The following SAMD12 variants were observed in gnomAD, a reference collection of about 807,000 sequenced individuals.
SAMD12 encodes the protein sterile alpha motif domain containing 12, also known as sterile alpha motif domain-containing protein 12.
SAMD12 carries 9 observed loss-of-function variants against 15.0 expected under a neutral mutation model. The ratio of observed to expected loss-of-function variants is 0.60; its 90% CI spans 0.36 to 1.05. The LOEUF (loss-of-function observed/expected upper bound fraction) is 1.05. Among genes scored for constraint, SAMD12 ranks in the 50% least tolerant of loss-of-function variants. The pLI is 0.01. For missense variants in SAMD12, 230 were observed against 234.2 expected (o/e 0.98, Z 0.12); for synonymous variants, 86 against 90.1 (o/e 0.96, Z 0.25).
intron 2 of SAMD12, among the ~76,000 whole-genome samples, chr8:118,561,753 T>A (rs1441066204): frequency 2.0e-5 from 3 of 152,150 alleles, no homozygotes; most frequent in African/African-American, 4.8e-5. Flanking sequence ...GAGATGAGAT[T>A]TGGATGCAGA....
intron 1 of SAMD12, among the ~76,000 whole-genome samples, chr8:118,618,838 C>A (rs76956906): frequency 3.4e-3 from 401 of 118,424 alleles, no homozygotes; most frequent in African/African-American, 4.6e-3. Flanking sequence ...GACTCCGTCT[C>A]AAAAAAAAAA....
chr8:118,503,328 TA>T (rs1824837120), intron 2 of SAMD12, among the ~76,000 whole-genome samples: 1 of 152,160 alleles, frequency 6.6e-6, no homozygotes, highest in South Asian at 2.1e-4. Context: ...TTAAGAAACT[TA>T]AGTGATTATT....
chr8:118,588,900 A>G (rs946402546), intron 1 of SAMD12, among the ~76,000 whole-genome samples: 1 of 152,320 alleles, frequency 6.6e-6, no homozygotes, highest in African/African-American at 2.4e-5. Flanking sequence ...ACAGAATATG[A>G]TTTCCAAATT....
chr8:118,152,595 C>G, the SAMD12 span, among the ~76,000 whole-genome samples: 1 of 151,930 alleles, frequency 6.6e-6, no homozygotes. Context: ...GTTCACCAGT[C>G]TCAAACAATC....
intron 3 of SAMD12, among the ~76,000 whole-genome samples, chr8:118,385,053 A>G (rs1019887362): frequency 1.3e-5 from 2 of 152,154 alleles, no homozygotes; most frequent in Non-Finnish European, 2.9e-5. Flanking sequence ...TTTTGCCGCA[A>G]TCTGAAGCTT....
At chr8:118,394,338 C>T (rs551228485) in intron 3 of SAMD12, among the ~76,000 whole-genome samples, 1 of 152,328 alleles carries the variant, frequency 6.6e-6, no homozygotes, top group African/African-American at 2.4e-5. Context: ...CTTAGATGCT[C>T]AGCAAGTTCT....
rs970587300 is a variant in SAMD12 at position 118,282,997 on chromosome 8, T to G, written c.434-85265A>C. 2.6e-5 allele frequency among the ~76,000 whole-genome samples: 4 copies of G among 152,248 alleles called. No homozygotes were observed. The East Asian group carries it at 7.7e-4, about 29-fold the overall frequency. On this transcript the variant is annotated intron_variant, in intron 4 of 4. Coordinates refer to the SAMD12 transcript ENST00000409003. ...GGATTAAATACAGAAATAAGAAAAA[T>G]TCCGATGGGCCTAGACATATCACAA...
intron 4 of SAMD12, among the ~76,000 whole-genome samples, chr8:118,223,720 C>A (rs1467257641): frequency 6.6e-6 from 1 of 152,146 alleles, no homozygotes; most frequent in Non-Finnish European, 1.5e-5. Context: ...AATATAAAAG[C>A]AATAATGTGC....
At chr8:118,177,142 T>C in the SAMD12 span, among the ~76,000 whole-genome samples, 7 of 152,044 alleles carry the variant, frequency 4.6e-5, no homozygotes, top group African/African-American at 1.7e-4. Flanking sequence ...AGAGGAGAAG[T>C]TGGAGAGGCA....
chr8:118,399,599 G>A (rs989176788), intron 3 of SAMD12, among the ~76,000 whole-genome samples: 2 of 152,170 alleles, frequency 1.3e-5, no homozygotes, highest in Admixed American at 1.3e-4. Flanking sequence ...TAGCTTCAGA[G>A]CTCCCTGTGG....
intron 2 of SAMD12, among the ~76,000 whole-genome samples, chr8:118,460,318 T>A (rs1174830070): frequency 6.6e-6 from 1 of 152,248 alleles, no homozygotes; most frequent in Non-Finnish European, 1.5e-5. Context: ...ATTTAATTCA[T>A]TTATTTAACA....
At chr8:118,201,834 T>A (rs966539996) in intron 4 of SAMD12, among the ~76,000 whole-genome samples, 5 of 152,254 alleles carry the variant, frequency 3.3e-5, no homozygotes, top group Admixed American at 2.0e-4. Context: ...TTCAAACCTC[T>A]GTTTGATGGG....
At chr8:118,361,695 A>T (rs1251589277) in intron 4 of SAMD12, among the ~76,000 whole-genome samples, 1 of 152,196 alleles carries the variant, frequency 6.6e-6, no homozygotes, top group African/African-American at 2.4e-5. Flanking sequence ...GTGCAACAAC[A>T]TAACCAAATA....
chr8:118,453,212 C>T (rs757419234), intron 2 of SAMD12, among the ~76,000 whole-genome samples: 2 of 152,102 alleles, frequency 1.3e-5, no homozygotes, highest in East Asian at 1.9e-4. Context: ...ATTCTAAGAC[C>T]TCTATTTGGT....
intron 4 of SAMD12, among the ~76,000 whole-genome samples, chr8:118,266,391 G>C (rs897809669): frequency 6.6e-6 from 1 of 152,118 alleles, no homozygotes. Context: ...ACTGTTGGTG[G>C]GGATGTAAAT....
At chr8:118,370,943 TA>T (rs200699358) in intron 4 of SAMD12, among the ~76,000 whole-genome samples, 32 of 99,596 alleles carry the variant, frequency 3.2e-4, no homozygotes, top group Middle Eastern at 5.0e-3. Context: ...GGAACTTAAA[TA>T]AAATTTTTTT....
chr8:118,391,267 A>C (rs1290540085), intron 3 of SAMD12, among the ~76,000 whole-genome samples: 1 of 152,140 alleles, frequency 6.6e-6, no homozygotes, highest in Non-Finnish European at 1.5e-5. Flanking sequence ...CATAATGGAG[A>C]CTATAATGGA....
intron 2 of SAMD12, among the ~76,000 whole-genome samples, chr8:118,563,830 T>A (rs1826774962): frequency 1.3e-5 from 2 of 152,190 alleles, no homozygotes; most frequent in African/African-American, 4.8e-5. Context: ...CTATTATCTG[T>A]GAGTTTTGAC....
chr8:118,239,566 G>C (rs1169162860), intron 4 of SAMD12, among the ~76,000 whole-genome samples: 1 of 152,132 alleles, frequency 6.6e-6, no homozygotes, highest in African/African-American at 2.4e-5. Context: ...TATGAGCACA[G>C]ATGGGTTTTT....
Sources: allele counts gnomAD v4.1 joint callset (sites outside exome capture counted in the v4.1 genomes callset), GRCh38; gene constraint gnomAD v4.1.1; transcripts MANE v1.5; gene names NCBI Gene and HGNC (gene_info 2026-07-23, HGNC 2026-07-21).